The following M1AP variants were observed in gnomAD, a reference collection of about 807,000 sequenced individuals.
M1AP encodes the protein meiosis 1 arrest protein.
Under a neutral mutation model 51.2 loss-of-function variants are expected in M1AP, and 39 were observed. The ratio of observed to expected loss-of-function variants is 0.76; its 90% confidence interval spans 0.59 to 1.00. The LOEUF is 1.00. Among genes scored for constraint, M1AP ranks in the 50% least tolerant of loss-of-function variants. The pLI, the probability that M1AP is intolerant of heterozygous loss-of-function variation, is 0.00. For synonymous variants in M1AP, 251 were observed against 249.2 expected, an observed-to-expected ratio of 1.01 and a Z score of -0.07; for missense variants, 545 against 641.2, an observed-to-expected ratio of 0.85 and a Z score of 1.62.
chr2:74,558,476 G>T lies in M1AP; in HGVS notation c.*240C>A. The T allele has an allele frequency of 2.0e-6, 1 of 492,352 alleles. No homozygotes were observed. The allele number at this position is 492,352 out of a possible 1,614,324, so 30.5% of individuals were successfully genotyped here. A position where few individuals can be genotyped will look rare whatever the true frequency, so the allele number is the denominator to read the frequency against. ...TTAATCTTCACCTGTGTAAACAGTAGCAAATGATTCTAAAGAAAATGAAAG... is the reference window on the plus strand; with the variant it reads ...TTAATCTTCACCTGTGTAAACAGTATCAAATGATTCTAAAGAAAATGAAAG... On this transcript the variant is annotated 3_prime_UTR_variant, in exon 11 of 11. Transcript: ENST00000421985.
At chr2:74,568,970 A>G (rs1414528549) in intron 7 of M1AP, among the ~76,000 whole-genome samples, 1 of 152,190 alleles carries the variant, frequency 6.6e-6, no homozygotes, top group Non-Finnish European at 1.5e-5. Context: ...AGTCTCTACA[A>G]TTTATTTATA....
At chr2:74,600,606 G>T (rs1680619770) in intron 4 of M1AP, among the ~76,000 whole-genome samples, 1 of 152,164 alleles carries the variant, frequency 6.6e-6, no homozygotes, top group Non-Finnish European at 1.5e-5. Context: ...CCCTGTGAGA[G>T]GTATGTATCT....
intron 3 of M1AP, among the ~76,000 whole-genome samples, chr2:74,612,595 G>C (rs1184461182): frequency 6.6e-6 from 1 of 151,942 alleles, no homozygotes. Flanking sequence ...AGTTCCTTGA[G>C]GTGCAATGCT....
intron 7 of M1AP, among the ~76,000 whole-genome samples, chr2:74,568,608 G>A (rs1416531899): frequency 6.6e-6 from 1 of 152,034 alleles, no homozygotes; most frequent in African/African-American, 2.4e-5. Context: ...GAAGGGATGG[G>A]AATCAAGTCA....
intron 3 of M1AP, among the ~76,000 whole-genome samples, chr2:74,607,898 C>A (rs1027836135): frequency 1.3e-5 from 2 of 152,076 alleles, no homozygotes; most frequent in African/African-American, 2.4e-5. Flanking sequence ...TAGATTAAAG[C>A]ACTATTATTA....
intron 4 of M1AP, among the ~76,000 whole-genome samples, chr2:74,601,190 T>C: frequency 6.6e-6 from 1 of 152,072 alleles, no homozygotes; most frequent in Non-Finnish European, 1.5e-5. Flanking sequence ...AGTTCTAGAC[T>C]AAAATGTAAA....
chr2:74,601,336 C>T (rs1353913701), intron 4 of M1AP, among the ~76,000 whole-genome samples: 1 of 151,656 alleles, frequency 6.6e-6, no homozygotes, highest in Non-Finnish European at 1.5e-5. Context: ...GAAAAAAAAG[C>T]AGAGCAGTTG....
intron 7 of M1AP, 101 bp downstream of exon 7, chr2:74,575,337 T>C: frequency 2.6e-6 from 4 of 1,555,476 alleles, no homozygotes; most frequent in Non-Finnish European, 2.6e-6. Context: ...TTCTTGAGGG[T>C]TGAGGCAGAT....
At chr2:74,637,667 T>A (rs114197593) in intron 2 of M1AP, among the ~76,000 whole-genome samples, 1 of 152,218 alleles carries the variant, frequency 6.6e-6, no homozygotes, top group Non-Finnish European at 1.5e-5. Flanking sequence ...TATGCCCTAC[T>A]ACTGAGGCAA....
chr2:74,602,293 T>C (rs577475727), intron 4 of M1AP, among the ~76,000 whole-genome samples: 9 of 152,284 alleles, frequency 5.9e-5, no homozygotes, highest in Admixed American at 2.6e-4. Context: ...TCGTTAGTGA[T>C]AGAAAGATAT....
intron 2 of M1AP, among the ~76,000 whole-genome samples, chr2:74,631,448 C>T (rs920007244): frequency 6.6e-6 from 1 of 152,060 alleles, no homozygotes; most frequent in African/African-American, 2.4e-5. Flanking sequence ...GCAGCACTAA[C>T]TTATAGTTTA....
Position 74,575,055 on chromosome 2 carries a change from A to G in M1AP, c.1074+383T>C, listed in dbSNP as rs1218141539. 4.6e-5 allele frequency among the ~76,000 whole-genome samples: 7 copies of G among 152,316 alleles called. No homozygotes were observed. The East Asian group carries it at 1.3e-3, about 29-fold the overall frequency. On this transcript the variant is annotated intron_variant, in intron 7 of 10. Transcript: ENST00000421985. The stretch of plus-strand genomic sequence containing the variant: ...TCTTTTAGGTCACTACAGAATATAT[A>G]TCTAGGGCTTGACACAATGTCTGGC...
At chr2:74,623,979 A>G (rs1383343322) in intron 2 of M1AP, among the ~76,000 whole-genome samples, 1 of 152,212 alleles carries the variant, frequency 6.6e-6, no homozygotes, top group Non-Finnish European at 1.5e-5. Context: ...CCTACAATAT[A>G]CTGTTAATTA....
rs776246561 is a variant in M1AP at position 74,558,743 on chromosome 2, C to T, written c.1566G>A (p.Glu522=). Residue 522 remains glutamate (E), a synonymous_variant, in exon 11 of 11, where the codon GAG becomes GAA. Transcript: ENST00000421985. The part of the protein sequence containing the change: ...SSSDAFFLPS[E]WEKDPSRP ...AGGGCCTTGAGGGATCCTTCTCCCA[C>T]TCTGAAGGCAGGAAGAAGGCATCTG... The T allele has an allele frequency of 6.2e-7, 1 of 1,612,796 alleles. No homozygotes were observed. Among genetic ancestry groups the T allele is most frequent in the Non-Finnish European group, 8.5e-7 (1 of 1,179,512 alleles).
At chr2:74,573,474 T>C (rs1678876138) in intron 7 of M1AP, among the ~76,000 whole-genome samples, 1 of 152,146 alleles carries the variant, frequency 6.6e-6, no homozygotes. Context: ...TGTCTCGGCC[T>C]CCTGAGTAGC....
chr2:74,561,528 A>G (rs1196539742), intron 8 of M1AP, among the ~76,000 whole-genome samples: 1 of 152,110 alleles, frequency 6.6e-6, no homozygotes, highest in Non-Finnish European at 1.5e-5. Flanking sequence ...CCACAGACAC[A>G]CTCGGGCACA....
At chr2:74,629,906 C>G (rs1485619246) in intron 2 of M1AP, among the ~76,000 whole-genome samples, 1 of 151,284 alleles carries the variant, frequency 6.6e-6, no homozygotes, top group Non-Finnish European at 1.5e-5. Context: ...TGAAACACTT[C>G]TGGTCTAAAG....
At chr2:74,566,271 G>A (rs542067841) in intron 7 of M1AP, among the ~76,000 whole-genome samples, 1 of 152,158 alleles carries the variant, frequency 6.6e-6, no homozygotes, top group Non-Finnish European at 1.5e-5. Context: ...TCATATCAGA[G>A]AGCTATGGTG....
intron 3 of M1AP, among the ~76,000 whole-genome samples, chr2:74,611,701 G>A (rs1026520025): frequency 2.6e-5 from 4 of 151,292 alleles, no homozygotes; most frequent in Admixed American, 6.6e-5. Flanking sequence ...GCGTGGTGGC[G>A]CATGCCTGTA....
Sources: allele counts gnomAD v4.1 joint callset (sites outside exome capture counted in the v4.1 genomes callset), GRCh38; gene constraint gnomAD v4.1.1; transcripts MANE v1.5; gene names NCBI Gene and HGNC (gene_info 2026-07-23, HGNC 2026-07-21).